The following MAD1L1 variants were observed in gnomAD, a reference collection of about 807,000 sequenced individuals.
The protein encoded by MAD1L1 is mitotic arrest deficient 1 like 1, also known as mitotic spindle assembly checkpoint protein MAD1.
A neutral mutation model predicts 96.9 loss-of-function variants in MAD1L1; 95 were observed. The ratio of observed to expected loss-of-function variants is 0.98; its 90% CI spans 0.83 to 1.16. MAD1L1 has a LOEUF of 1.16. Among genes scored for constraint, MAD1L1 ranks in the 50% most tolerant of loss-of-function variants. The pLI is 0.00. For synonymous variants in MAD1L1, 473 were observed against 396.6 expected (o/e 1.19, Z -2.29); for missense variants, 1,007 against 954.4 (o/e 1.06, Z -0.73).
chr7:2,010,014 G>A (rs1347370841), intron 13 of MAD1L1, among the ~76,000 whole-genome samples: 1 of 151,548 alleles, frequency 6.6e-6, no homozygotes, highest in East Asian at 1.9e-4. Context: ...CCAGACTCCA[G>A]GGTGGTTTCC....
chr7:2,013,913 G>T (rs1483976803), intron 13 of MAD1L1, among the ~76,000 whole-genome samples: 1 of 152,216 alleles, frequency 6.6e-6, no homozygotes, highest in South Asian at 2.1e-4. Context: ...GGAGCGTCAC[G>T]GTGGCCCATG....
In MAD1L1 at chr7:1,839,234, T is replaced by C. The variant is rs534776161; in HGVS notation, c.1999-23006A>G. On this transcript the variant is annotated intron_variant, in intron 18 of 18. Transcript: ENST00000265854. ...GGCTTGGTGGGAGGGCGGGGCTAGG[T>C]GGGCTTGCCCGGGGTCGAGGTGGTG... is the stretch of plus-strand genomic sequence containing the variant. Among the ~76,000 whole-genome samples, 45 of 151,950 alleles carry C rather than the reference T, an allele frequency of 3.0e-4. No homozygotes were observed. In the East Asian group the frequency reaches 8.4e-3, roughly 28 times the overall value.
rs1027563791 is a variant in MAD1L1 at position 2,133,814 on chromosome 7, C to T, written c.1073+15338G>A. Among the ~76,000 whole-genome samples the T allele has an allele frequency of 2.6e-5, 4 of 152,172 alleles. No homozygotes were observed. The South Asian group carries it at 8.3e-4, about 32-fold the overall frequency. On this transcript the variant is annotated intron_variant, in intron 11 of 18. Coordinates refer to ENST00000265854, the MANE Select transcript of MAD1L1 (RefSeq NM_001013836.2). ...GAGAAGACCGTTTTCCTCTGAGCTG[C>T]CTTTGCTCTGCGGTCCACGATCAGC...
intron 10 of MAD1L1, among the ~76,000 whole-genome samples, chr7:2,204,131 G>A (rs193153369): frequency 5.9e-4 from 90 of 152,290 alleles, no homozygotes; most frequent in Non-Finnish European, 9.7e-4. Context: ...CTCCTGTGAC[G>A]TAACAAAGAC....
chr7:1,897,818 G>A (rs771685313), intron 18 of MAD1L1, among the ~76,000 whole-genome samples: 37 of 152,182 alleles, frequency 2.4e-4, no homozygotes, highest in Non-Finnish European at 5.1e-4. Flanking sequence ...CTTGGAAGGC[G>A]TCCCCTGCCC....
At chr7:2,176,052 G>A (rs535496925) in intron 10 of MAD1L1, among the ~76,000 whole-genome samples, 4 of 152,240 alleles carry the variant, frequency 2.6e-5, no homozygotes, top group South Asian at 2.1e-4. Context: ...AATTAAATAC[G>A]AGTCTAAGGA....
intron 10 of MAD1L1, among the ~76,000 whole-genome samples, chr7:2,183,232 ACAGT>A (rs1000176510): frequency 6.6e-6 from 1 of 151,986 alleles, no homozygotes; most frequent in Admixed American, 6.5e-5. Context: ...AAAAAGAACA[ACAGT>A]CAGTCTTACA....
At chr7:2,111,105 G>A (rs1005606091) in intron 11 of MAD1L1, among the ~76,000 whole-genome samples, 4 of 152,176 alleles carry the variant, frequency 2.6e-5, no homozygotes, top group Admixed American at 1.3e-4. Flanking sequence ...GTCCTCCGAC[G>A]AAAAGTAAAT....
At chr7:1,890,922 G>C (rs964586927) in intron 18 of MAD1L1, among the ~76,000 whole-genome samples, 1 of 152,190 alleles carries the variant, frequency 6.6e-6, no homozygotes, top group Non-Finnish European at 1.5e-5. Context: ...CACAGTCCAT[G>C]CAACAGTGAG....
chr7:1,972,026 A>C (rs1349926584), intron 15 of MAD1L1, among the ~76,000 whole-genome samples: 1 of 152,190 alleles, frequency 6.6e-6, no homozygotes, highest in Non-Finnish European at 1.5e-5. Flanking sequence ...TAACAACTTA[A>C]ACAGCAATAT....
chr7:1,970,745 T>C (rs559494492), intron 15 of MAD1L1, among the ~76,000 whole-genome samples: 13 of 152,218 alleles, frequency 8.5e-5, no homozygotes, highest in Non-Finnish European at 1.0e-4. Flanking sequence ...GACGGTGGCA[T>C]CTGGTGGGGG....
chr7:2,031,730 G>A (rs1449846918), intron 12 of MAD1L1, among the ~76,000 whole-genome samples: 2 of 152,254 alleles, frequency 1.3e-5, no homozygotes, highest in African/African-American at 4.8e-5. Context: ...CCCTCGCAAG[G>A]TCTCGCCAGC....
intron 5 of MAD1L1, chr7:2,220,930 A>G (rs1260745073): frequency 9.3e-6 from 15 of 1,612,210 alleles, no homozygotes; most frequent in African/African-American, 1.3e-5. Flanking sequence ...CCACCTGCCC[A>G]CAGGGTCACC....
chr7:1,963,417 G>A (rs545514169), intron 15 of MAD1L1, among the ~76,000 whole-genome samples: 1 of 152,320 alleles, frequency 6.6e-6, no homozygotes, highest in East Asian at 1.9e-4. Flanking sequence ...GCGGGTTTGG[G>A]GTGGGGAGAG....
chr7:2,218,507 A>C (rs73673551), intron 6 of MAD1L1, among the ~76,000 whole-genome samples: 2,462 of 152,178 alleles, frequency 0.016, 70 homozygotes, highest in African/African-American at 0.056. Context: ...TCCTGACTGC[A>C]CCTCCAGACA....
At chr7:2,045,979 C>T (rs1043892357) in intron 12 of MAD1L1, among the ~76,000 whole-genome samples, 1 of 152,222 alleles carries the variant, frequency 6.6e-6, no homozygotes, top group African/African-American at 2.4e-5. Flanking sequence ...CCCTGAGGGC[C>T]TGCCCATGAC....
chr7:1,897,375 G>A (rs2128441526), intron 18 of MAD1L1, among the ~76,000 whole-genome samples: 1 of 152,286 alleles, frequency 6.6e-6, no homozygotes, highest in Non-Finnish European at 1.5e-5. Context: ...ATCTCCCACA[G>A]CCACCGCCCC....
chr7:1,970,382 G>A (rs988928995), intron 15 of MAD1L1, among the ~76,000 whole-genome samples: 2 of 124,578 alleles, frequency 1.6e-5, no homozygotes, highest in East Asian at 4.6e-4. Flanking sequence ...TACCCAGGTT[G>A]GAGTGCAGTG....
intron 17 of MAD1L1, among the ~76,000 whole-genome samples, chr7:1,911,546 C>T (rs1024796590): frequency 6.6e-6 from 1 of 152,272 alleles, no homozygotes; most frequent in African/African-American, 2.4e-5. Flanking sequence ...CTCATTTCTG[C>T]TGCCACAATG....
Sources: allele counts gnomAD v4.1 joint callset (sites outside exome capture counted in the v4.1 genomes callset), GRCh38; gene constraint gnomAD v4.1.1; transcripts MANE v1.5; gene names NCBI Gene and HGNC (gene_info 2026-07-23, HGNC 2026-07-21).